Variants in AMMECR1 observed in about 807,000 individuals in gnomAD.
The protein encoded by AMMECR1 is AMMECR nuclear protein 1, also known as nuclear protein AMMECR1.
A neutral mutation model predicts 22.5 loss-of-function variants in AMMECR1; 3 were observed. The ratio of observed to expected loss-of-function variants is 0.13; its 90% confidence interval spans 0.06 to 0.35. The LOEUF is 0.35. Among genes scored for constraint, AMMECR1 ranks in the 10% least tolerant of loss-of-function variants. AMMECR1 has a pLI of 1.00. For missense variants in AMMECR1, 235 were observed against 278.7 expected, an observed-to-expected ratio of 0.84 and a Z score of 1.12; for synonymous variants, 130 against 116.7, an observed-to-expected ratio of 1.11 and a Z score of -0.74.
At chrX:110,272,591 T>A (rs1045982233) in intron 1 of AMMECR1, among the ~76,000 whole-genome samples, 5 of 112,015 alleles carry the variant, frequency 4.5e-5, no homozygotes, top group Admixed American at 1.9e-4. Flanking sequence ...GGGGACTTGG[T>A]TTCTAGTGTA....
At chrX:110,359,955 G>T (rs6642761) in intron 2 of AMMECR1, among the ~76,000 whole-genome samples, 8,196 of 111,823 alleles carry the variant, frequency 0.073, 440 homozygotes, top group African/African-American at 0.18. Flanking sequence ...TGGGAATGGT[G>T]TGCATTAAAG....
intron 1 of AMMECR1, among the ~76,000 whole-genome samples, chrX:110,316,205 C>A (rs2068046946): frequency 8.9e-6 from 1 of 112,008 alleles, no homozygotes; most frequent in Non-Finnish European, 1.9e-5. Flanking sequence ...AGTACAAATG[C>A]ACAATTTCCA....
chrX:110,372,507 T>G (rs1332121136), intron 2 of AMMECR1, among the ~76,000 whole-genome samples: 1 of 111,712 alleles, frequency 9.0e-6, no homozygotes, highest in Admixed American at 9.6e-5. Context: ...TGCTTTTTTT[T>G]TAACTTAACA....
intron 1 of AMMECR1, among the ~76,000 whole-genome samples, chrX:110,272,042 C>T (rs943457499): frequency 2.7e-5 from 3 of 109,531 alleles, no homozygotes; most frequent in Non-Finnish European, 5.7e-5. Context: ...GGTGAAACCC[C>T]GTCTCTACTA....
At chrX:110,340,631 G>A (rs2068160780) in intron 2 of AMMECR1, among the ~76,000 whole-genome samples, 1 of 112,495 alleles carries the variant, frequency 8.9e-6, no homozygotes, top group Non-Finnish European at 1.9e-5. Context: ...ATATGGAAAT[G>A]AAGATACCTA....
chrX:110,374,614 A>G (rs1165088765), intron 2 of AMMECR1, among the ~76,000 whole-genome samples: 1 of 112,202 alleles, frequency 8.9e-6, no homozygotes, highest in Non-Finnish European at 1.9e-5. Context: ...AAGTAGGGCT[A>G]TTAAGACATT....
chrX:110,217,034 A>G (rs961393427), intron 2 of AMMECR1, among the ~76,000 whole-genome samples: 1 of 109,973 alleles, frequency 9.1e-6, no homozygotes, highest in African/African-American at 3.3e-5. Context: ...AATTATATAT[A>G]TATGTGTGTG....
intron 1 of AMMECR1, 58 bp from the exon 2 acceptor site, chrX:110,264,657 TTG>T: frequency 1.0e-6 from 1 of 954,854 alleles, no homozygotes; most frequent in East Asian, 3.1e-5. Flanking sequence ...CAAGTATTTA[TTG>T]AGTATTGACT....
intron 1 of AMMECR1, among the ~76,000 whole-genome samples, chrX:110,302,989 T>C (rs746876829): frequency 8.9e-6 from 1 of 111,922 alleles, no homozygotes; most frequent in South Asian, 3.7e-4. Context: ...AAAAAGTGTT[T>C]AAATATAACA....
intron 2 of AMMECR1, among the ~76,000 whole-genome samples, chrX:110,392,296 A>AGACAAGG (rs1428514768): frequency 1.5e-5 from 1 of 67,416 alleles, no homozygotes; most frequent in Non-Finnish European, 2.6e-5. Flanking sequence ...TTTTTTTTTG[A>AGACAAGG]GACAAGGTCT....
intron 1 of AMMECR1, among the ~76,000 whole-genome samples, chrX:110,291,707 C>T (rs1171919375): frequency 9.0e-6 from 1 of 111,466 alleles, no homozygotes; most frequent in Non-Finnish European, 1.9e-5. Flanking sequence ...CATATGTATT[C>T]CCACTTAAGT....
At chrX:110,335,854 T>C (rs2068139192) in intron 2 of AMMECR1, among the ~76,000 whole-genome samples, 1 of 111,891 alleles carries the variant, frequency 8.9e-6, no homozygotes, top group African/African-American at 3.2e-5. Flanking sequence ...GGAGCTTGTT[T>C]AGTGGGGAGA....
chrX:110,317,876 T>C lies in AMMECR1; in HGVS notation c.196A>G (p.Ser66Gly), dbSNP rs915820181. The change falls in exon 1 of 6, where the codon AGC (serine) becomes GGC (glycine). Residue 66 changes from serine (S) to glycine (G), a missense_variant. By Grantham distance (56) the Ser-to-Gly change is moderately conservative. Around this residue, in one of 2 missense-constraint regions of AMMECR1, gnomAD observed 124 missense variants for 97.0 expected, o/e 1.28. Transcript: ENST00000262844. ...TGGGGGGGAGAGAGGGTACAGCCGC[T>C]GCCGCTACCTCCTCCGGTTAGACCT... ...LGGLTGGGSGSGCTLSPPQGC... is the reference protein window; with the variant it reads ...LGGLTGGGSGGGCTLSPPQGC... 2.5e-6 allele frequency: 3 copies of C among 1,180,585 alleles called. No individual in the cohort carries two copies. In the African/African-American group the frequency reaches 5.4e-5, roughly 21 times the overall value.
chrX:110,223,488 G>A (rs1406631465), intron 2 of AMMECR1, among the ~76,000 whole-genome samples: 2 of 111,988 alleles, frequency 1.8e-5, no homozygotes, highest in African/African-American at 6.5e-5. Flanking sequence ...AAAAGATTAC[G>A]ATATGACCAC....
intron 2 of AMMECR1, among the ~76,000 whole-genome samples, chrX:110,234,079 C>A (rs901010907): frequency 8.9e-6 from 1 of 111,959 alleles, no homozygotes; most frequent in Non-Finnish European, 1.9e-5. Context: ...TTAGAAAACC[C>A]CACTGTCTCA....
At position 110,324,870 on chromosome X, in the gene AMMECR1, T is replaced by A. The variant is rs1025922649; in HGVS notation, c.-147-7021A>T. 2.7e-5 allele frequency among the ~76,000 whole-genome samples: 3 copies of A among 111,355 alleles called. No individual in the cohort carries two copies. In the East Asian group the frequency reaches 8.4e-4, roughly 31 times the overall value. The stretch of plus-strand genomic sequence containing the variant: ...TTCATCATGGTATATAATTATTTTT[T>A]ATATGTTGCTGGATCCATTTACTAG... On this transcript the variant is annotated intron_variant, in intron 2 of 7. Transcript: ENST00000372057.
chrX:110,260,716 T>C (rs2067736352), intron 2 of AMMECR1, among the ~76,000 whole-genome samples: 1 of 111,586 alleles, frequency 9.0e-6, no homozygotes, highest in South Asian at 3.7e-4. Flanking sequence ...AAAAGGGTAC[T>C]CAAACAGATA....
intron 2 of AMMECR1, among the ~76,000 whole-genome samples, chrX:110,377,290 C>A (rs1187573293): frequency 9.0e-6 from 1 of 111,632 alleles, no homozygotes; most frequent in Non-Finnish European, 1.9e-5. Flanking sequence ...ATCTTAATAT[C>A]TTTCTATTTG....
chrX:110,204,543 T>C (rs1602776212), intron 3 of AMMECR1, among the ~76,000 whole-genome samples: 1 of 111,545 alleles, frequency 9.0e-6, no homozygotes, highest in Non-Finnish European at 1.9e-5. Context: ...TTGAACTAGA[T>C]AACCTCTAAT....
Sources: allele counts gnomAD v4.1 joint callset (sites outside exome capture counted in the v4.1 genomes callset), GRCh38; gene constraint gnomAD v4.1.1; regional missense constraint gnomAD v4.1.1; transcripts MANE v1.5; gene names NCBI Gene and HGNC (gene_info 2026-07-23, HGNC 2026-07-21).